The following LUZP2 variants were observed in gnomAD, a reference collection of about 807,000 sequenced individuals.
The protein encoded by LUZP2 is leucine zipper protein 2.
LUZP2 carries 52 observed loss-of-function variants against 51.6 expected under a neutral mutation model. That is an observed-to-expected ratio of 1.01 (90% CI 0.81 to 1.27). The LOEUF (loss-of-function observed/expected upper bound fraction) is 1.27, where lower values mean the gene tolerates loss of function less well. Ranked by LOEUF, LUZP2 falls within the 50% of genes most tolerant of loss-of-function variation. The probability of loss-of-function intolerance (pLI) is 0.00; values close to 1 mark genes in which losing one functional copy is unlikely to be tolerated. For missense variants in LUZP2, 436 were observed against 395.4 expected, an observed-to-expected ratio of 1.10 and a Z score of -0.87; for synonymous variants, 154 against 137.3, an observed-to-expected ratio of 1.12 and a Z score of -0.85.
intron 1 of LUZP2, among the ~76,000 whole-genome samples, chr11:24,578,300 A>G (rs1454450904): frequency 1.3e-5 from 2 of 152,140 alleles, no homozygotes; most frequent in African/African-American, 4.8e-5. Flanking sequence ...CTGTCCAGAA[A>G]TATTTCATGT....
intron 1 of LUZP2, among the ~76,000 whole-genome samples, chr11:24,577,371 G>T (rs190572142): frequency 1.3e-5 from 2 of 151,940 alleles, no homozygotes; most frequent in East Asian, 3.9e-4. Context: ...TCAAGGCTGC[G>T]GAATCAGACC....
intron 1 of LUZP2, among the ~76,000 whole-genome samples, chr11:24,686,071 C>T (rs2133879166): frequency 6.6e-6 from 1 of 152,230 alleles, no homozygotes; most frequent in Non-Finnish European, 1.5e-5. Context: ...TCTTGAAGGA[C>T]TGAGTAAGCC....
At chr11:24,900,316 T>C (rs1171305262) in intron 5 of LUZP2, among the ~76,000 whole-genome samples, 1 of 152,182 alleles carries the variant, frequency 6.6e-6, no homozygotes, top group Non-Finnish European at 1.5e-5. Flanking sequence ...TTATTAAATA[T>C]CTTAGTGGTT....
At chr11:24,739,397 A>T (rs1345616936) in intron 4 of LUZP2, among the ~76,000 whole-genome samples, 1 of 151,836 alleles carries the variant, frequency 6.6e-6, no homozygotes. Flanking sequence ...TTGTTTTTCG[A>T]TTGGTTGTTT....
intron 6 of LUZP2, among the ~76,000 whole-genome samples, chr11:24,907,734 A>C (rs1031944887): frequency 7.9e-5 from 12 of 152,294 alleles, no homozygotes; most frequent in African/African-American, 2.9e-4. Flanking sequence ...CTCCTATGAG[A>C]AATATCTGTG....
chr11:25,002,579 A>G (rs953004951), intron 9 of LUZP2, among the ~76,000 whole-genome samples: 2 of 152,092 alleles, frequency 1.3e-5, no homozygotes, highest in Admixed American at 6.6e-5. Flanking sequence ...TCCTTGTATT[A>G]TTTTGGTAGC....
intron 5 of LUZP2, among the ~76,000 whole-genome samples, chr11:24,840,004 G>T (rs1024027976): frequency 4.0e-5 from 6 of 151,670 alleles, no homozygotes; most frequent in African/African-American, 1.5e-4. Flanking sequence ...AGGAAAAGTG[G>T]TTTGCTGCAC....
chr11:24,954,226 A>G (rs2133867813), intron 7 of LUZP2, among the ~76,000 whole-genome samples: 1 of 152,118 alleles, frequency 6.6e-6, no homozygotes, highest in South Asian at 2.1e-4. Context: ...AAAAAGGAGG[A>G]CAGGTATTTT....
intron 1 of LUZP2, among the ~76,000 whole-genome samples, chr11:24,649,976 G>C (rs1335890352): frequency 2.0e-5 from 3 of 146,904 alleles, no homozygotes; most frequent in African/African-American, 7.4e-5. Context: ...TACACACAGA[G>C]ACACACACAC....
intron 7 of LUZP2, among the ~76,000 whole-genome samples, chr11:24,971,859 G>T (rs1855746850): frequency 6.6e-6 from 1 of 152,006 alleles, no homozygotes; most frequent in Non-Finnish European, 1.5e-5. Flanking sequence ...CCTGGGCATG[G>T]CCAGGTGCAG....
intron 6 of LUZP2, among the ~76,000 whole-genome samples, chr11:24,907,456 T>C (rs1853494367): frequency 6.6e-6 from 1 of 152,188 alleles, no homozygotes; most frequent in Admixed American, 6.6e-5. Flanking sequence ...AAAATTAGCC[T>C]AAATGGTTTG....
chr11:25,020,758 C>T (rs75731100), intron 9 of LUZP2, among the ~76,000 whole-genome samples: 1,906 of 150,586 alleles, frequency 0.013, 17 homozygotes, highest in Non-Finnish European at 0.021. Context: ...TTAGGACCCT[C>T]TAATAAATAA....
intron 1 of LUZP2, among the ~76,000 whole-genome samples, chr11:24,574,252 C>CTTTCTTTCTT (rs1206597872): frequency 2.3e-3 from 7 of 3,078 alleles, no homozygotes; most frequent in African/African-American, 4.8e-3. Flanking sequence ...TTCTTTCTTT[C>CTTTCTTTCTT]TTTCTTTCTT....
chr11:24,656,722 A>G (rs1235943542), intron 1 of LUZP2, among the ~76,000 whole-genome samples: 1 of 152,166 alleles, frequency 6.6e-6, no homozygotes, highest in Non-Finnish European at 1.5e-5. Context: ...CCTCAGCTTA[A>G]GGCTCCTTTT....
At chr11:24,724,837 A>G (rs1483506624) in intron 1 of LUZP2, among the ~76,000 whole-genome samples, 1 of 152,210 alleles carries the variant, frequency 6.6e-6, no homozygotes, top group Non-Finnish European at 1.5e-5. Context: ...AAACAAAATC[A>G]ACTTACAGAC....
chr11:24,852,228 C>T (rs1197867548), intron 5 of LUZP2, among the ~76,000 whole-genome samples: 4 of 152,186 alleles, frequency 2.6e-5, no homozygotes, highest in African/African-American at 9.7e-5. Flanking sequence ...TTCTCGCTTT[C>T]TCCTGTGGGC....
chr11:24,583,774 G>A (rs1022901884), intron 1 of LUZP2, among the ~76,000 whole-genome samples: 3 of 151,400 alleles, frequency 2.0e-5, no homozygotes, highest in Admixed American at 6.6e-5. Flanking sequence ...GGCGATCTCG[G>A]CTCACTGCAA....
At chr11:24,908,703 A>T (rs982279014) in intron 6 of LUZP2, among the ~76,000 whole-genome samples, 1 of 151,880 alleles carries the variant, frequency 6.6e-6, no homozygotes, top group Admixed American at 6.6e-5. Flanking sequence ...TCTTTGCATA[A>T]TCTTTCCTGA....
intron 1 of LUZP2, among the ~76,000 whole-genome samples, chr11:24,654,190 C>G (rs1460604931): frequency 6.6e-6 from 1 of 152,010 alleles, no homozygotes; most frequent in Non-Finnish European, 1.5e-5. Context: ...GATACATAAG[C>G]CAGTTGGTAA....
Sources: allele counts gnomAD v4.1 joint callset (sites outside exome capture counted in the v4.1 genomes callset), GRCh38; gene constraint gnomAD v4.1.1; transcripts MANE v1.5; gene names NCBI Gene and HGNC (gene_info 2026-07-23, HGNC 2026-07-21).